CLIP4: variants seen among roughly 807,000 people sequenced by gnomAD.
CLIP4 encodes CAP-Gly domain containing linker protein family member 4, also known as CAP-Gly domain-containing linker protein 4.
In CLIP4, 47 loss-of-function variants were observed where a neutral mutation model predicts 73.1. That is an observed-to-expected ratio of 0.64 (90% CI 0.51 to 0.82). The LOEUF is 0.82. Among genes scored for constraint, CLIP4 ranks in the 40% least tolerant of loss-of-function variants. The probability of loss-of-function intolerance (pLI) is 0.00; values close to 1 mark genes in which losing one functional copy is unlikely to be tolerated. For synonymous variants in CLIP4, 306 were observed against 295.4 expected, an observed-to-expected ratio of 1.04 and a Z score of -0.37; for missense variants, 874 against 852.9, an observed-to-expected ratio of 1.02 and a Z score of -0.31.
rs909674231 is a variant in CLIP4 at position 29,157,279 on chromosome 2, A to G, written c.1331A>G (p.Gln444Arg). 3 of 1,614,064 alleles carry G rather than the reference A, an allele frequency of 1.9e-6. No homozygotes were observed. Among genetic ancestry groups the G allele is most frequent in the African/African-American group, 2.7e-5 (2 of 74,940 alleles). The change falls in exon 11 of 16, where the codon CAG (glutamine) becomes CGG (arginine). Residue 444 changes from glutamine to arginine, a missense_variant. By Grantham distance (43) the Gln-to-Arg change is conservative (BLOSUM62 1). Transcript: ENST00000320081. ...CACAGACAGAGCTACCCCAAGAAAC[A>G]GAATGCAATCAGCAGTAACAAGAAG... Reference protein sequence around the residue: ...LEHRQSYPKKQNAISSNKKTM... With the variant: ...LEHRQSYPKKRNAISSNKKTM...
intron 1 of CLIP4, among the ~76,000 whole-genome samples, chr2:29,102,584 G>T (rs1182414373): frequency 6.6e-6 from 1 of 151,792 alleles, no homozygotes. Flanking sequence ...TCCCATACAA[G>T]GTGTCTCATC....
chr2:29,104,454 T>C (rs1668142846), intron 1 of CLIP4, among the ~76,000 whole-genome samples: 1 of 151,362 alleles, frequency 6.6e-6, no homozygotes, highest in Non-Finnish European at 1.5e-5. Context: ...TTTATTTTAT[T>C]TTTTGTATTT....
At chr2:29,130,685 T>G in intron 2 of CLIP4, 3 of 1,133,006 alleles carry the variant, frequency 2.6e-6, no homozygotes, top group Non-Finnish European at 3.3e-6. Context: ...TTTCTGATTC[T>G]CTTCTGATGG....
chr2:29,123,239 C>G (rs1474116195), intron 2 of CLIP4, among the ~76,000 whole-genome samples: 1 of 152,186 alleles, frequency 6.6e-6, no homozygotes, highest in Non-Finnish European at 1.5e-5. Context: ...TTTCTAGACC[C>G]TTTTCATCGT....
intron 1 of CLIP4, among the ~76,000 whole-genome samples, chr2:29,108,218 TAAC>T (rs1290690124): frequency 2.0e-5 from 3 of 152,296 alleles, no homozygotes; most frequent in South Asian, 2.1e-4. Context: ...AGATTAATAA[TAAC>T]AACTAATGAT....
chr2:29,110,319 C>T (rs755200818), intron 1 of CLIP4, among the ~76,000 whole-genome samples: 2 of 152,162 alleles, frequency 1.3e-5, no homozygotes, highest in South Asian at 2.1e-4. Context: ...AGGGCAAGCC[C>T]AGGTAGAAGC....
chr2:29,152,753 T>C lies in CLIP4; in HGVS notation c.1090T>C (p.Ser364Pro), dbSNP rs763719826. ...AAGGAAGAATATAACACACACTCCT[T>C]CTACAAAAGCTGCTGTACCTCTCAT... ...GRRKNITHTP[S>P]TKAAVPLIRS... The change falls in exon 9 of 16, where the codon TCT becomes CCT. Residue 364 changes from serine to proline, a missense_variant. Transcript: ENST00000320081. 6.2e-7 allele frequency: 1 copy of C among 1,613,886 alleles called. No individual in the cohort carries two copies. Among genetic ancestry groups the C allele is most frequent in the Non-Finnish European group, 8.5e-7 (1 of 1,179,846 alleles).
chr2:29,105,483 C>A (rs1668174041), intron 1 of CLIP4, among the ~76,000 whole-genome samples: 1 of 152,180 alleles, frequency 6.6e-6, no homozygotes, highest in African/African-American at 2.4e-5. Flanking sequence ...CTCAGTCTTT[C>A]TCTCTTTAGA....
At chr2:29,169,043 A>G (rs1373875487) in intron 14 of CLIP4, among the ~76,000 whole-genome samples, 1 of 151,568 alleles carries the variant, frequency 6.6e-6, no homozygotes, top group African/African-American at 2.4e-5. Flanking sequence ...AATTGTTGAG[A>G]TTAATTTTAT....
At chr2:29,115,150 G>T (rs7570234), upstream of CLIP4, 56,691 of 152,238 alleles carry the variant, frequency 0.37, 11,748 homozygotes, top group East Asian at 0.66. This position sits in a 1 kb window ranked among gnomAD's most constrained non-coding sequence, Gnocchi z 5.1. Flanking sequence ...CCCAAGACGG[G>T]TAAGACTAGG....
intron 8 of CLIP4, among the ~76,000 whole-genome samples, chr2:29,145,848 A>C (rs912881548): frequency 3.3e-5 from 5 of 152,118 alleles, no homozygotes; most frequent in Non-Finnish European, 5.9e-5. Context: ...TGGCTGGATA[A>C]TTGTTGTATT....
chr2:29,158,867 C>G (rs1233345184), intron 11 of CLIP4, among the ~76,000 whole-genome samples: 2 of 152,098 alleles, frequency 1.3e-5, no homozygotes, highest in Non-Finnish European at 2.9e-5. Context: ...ACTCCTGGAC[C>G]CAGGTGATCT....
At chr2:29,121,199 G>C (rs965919794) in intron 1 of CLIP4, among the ~76,000 whole-genome samples, 175 bp from the exon 2 acceptor site, 2 of 152,174 alleles carry the variant, frequency 1.3e-5, no homozygotes, top group African/African-American at 4.8e-5. Context: ...GTGAAGCAAT[G>C]TATGCCTTTT....
intron 1 of CLIP4, among the ~76,000 whole-genome samples, chr2:29,118,548 C>T (rs965490386): frequency 3.6e-5 from 5 of 139,028 alleles, no homozygotes; most frequent in African/African-American, 5.5e-5. Flanking sequence ...GATGGAGTTT[C>T]GCTCTTCTTG....
chr2:29,155,993 A>C (rs1666897880), intron 9 of CLIP4, among the ~76,000 whole-genome samples: 1 of 152,134 alleles, frequency 6.6e-6, no homozygotes, highest in Admixed American at 6.5e-5. Context: ...CAGCCAAGCT[A>C]CTCACTATTT....
At chr2:29,165,792 A>T (rs1457846234) in intron 13 of CLIP4, among the ~76,000 whole-genome samples, 1 of 152,108 alleles carries the variant, frequency 6.6e-6, no homozygotes, top group Non-Finnish European at 1.5e-5. Context: ...TCTGATTCCT[A>T]GTTCAGTGGT....
intron 1 of CLIP4, among the ~76,000 whole-genome samples, chr2:29,105,597 C>A (rs1668176875): frequency 6.6e-6 from 1 of 152,218 alleles, no homozygotes; most frequent in South Asian, 2.1e-4. Context: ...GACTTTGCAG[C>A]TCATCTCCTA....
At chr2:29,126,651 A>T (rs1664624620) in intron 2 of CLIP4, among the ~76,000 whole-genome samples, 2 of 152,200 alleles carry the variant, frequency 1.3e-5, no homozygotes, top group Admixed American at 6.5e-5. Flanking sequence ...TGAAATGAGG[A>T]TGGCAGTTTC....
chr2:29,137,210 C>G (rs894357266), intron 6 of CLIP4, among the ~76,000 whole-genome samples: 1 of 152,054 alleles, frequency 6.6e-6, no homozygotes, highest in Non-Finnish European at 1.5e-5. Context: ...GTCCCAGTGT[C>G]TGTTGTTCCC....
Sources: gnomAD v4.1 joint callset for allele counts (sites outside exome capture counted in the v4.1 genomes callset) on GRCh38, gnomAD v4.1.1 for gene constraint, Gnocchi (gnomAD v3.1) non-coding constraint, MANE v1.5 for transcripts, NCBI Gene and HGNC (gene_info 2026-07-23, HGNC 2026-07-21) for gene names.